Variants in LHFPL7 observed in about 807,000 individuals in gnomAD.
The protein encoded by LHFPL7 is LHFPL tetraspan subfamily member 7, also known as LHFPL tetraspan subfamily member 7 protein.
At chr22:24,945,055 G>T in the LHFPL7 span, among the ~76,000 whole-genome samples, 1 of 151,954 alleles carries the variant, frequency 6.6e-6, no homozygotes, top group East Asian at 1.9e-4. Flanking sequence ...TGATCTGCCC[G>T]CCTTGGCCTC....
chr22:24,935,215 T>G, the LHFPL7 span: 1 of 1,359,776 alleles, frequency 7.4e-7, no homozygotes, highest in East Asian at 2.3e-5. Context: ...TCCAGAGAGG[T>G]AAAGTGGCTT....
At chr22:24,939,924 C>CTTTT in the LHFPL7 span, among the ~76,000 whole-genome samples, 1,190 of 86,872 alleles carry the variant, frequency 0.014, 56 homozygotes, top group East Asian at 0.051. Context: ...TCATTTATCG[C>CTTTT]TTTTTTTTTT....
chr22:24,943,201 C>G, the LHFPL7 span, among the ~76,000 whole-genome samples: 21 of 152,216 alleles, frequency 1.4e-4, no homozygotes, highest in East Asian at 3.7e-3. Flanking sequence ...GAGCTGAATC[C>G]ACCTAGGCCT....
the LHFPL7 span, chr22:24,939,334 C>A: frequency 1.4e-6 from 1 of 702,918 alleles, no homozygotes; most frequent in Non-Finnish European, 2.6e-6. Flanking sequence ...CCAGCTCTCA[C>A]CTTCCAGGCA....
chr22:24,940,718 T>TCCC, the LHFPL7 span, among the ~76,000 whole-genome samples: 1 of 119,792 alleles, frequency 8.3e-6, no homozygotes, highest in Non-Finnish European at 1.7e-5. Context: ...CTTCCCTTTC[T>TCCC]TTCCTTCCTT....
the LHFPL7 span, among the ~76,000 whole-genome samples, chr22:24,939,946 G>C: frequency 3.8e-5 from 1 of 26,030 alleles, no homozygotes; most frequent in Non-Finnish European, 8.2e-5. Flanking sequence ...TTTTTTTTTT[G>C]AGACAGATTA....
the LHFPL7 span, among the ~76,000 whole-genome samples, chr22:24,937,903 G>A: frequency 1.3e-5 from 2 of 152,134 alleles, no homozygotes; most frequent in South Asian, 4.2e-4. Context: ...AGAAACAAAG[G>A]GGGACAGATT....
At chr22:24,935,585 C>T in the LHFPL7 span, 1 of 1,611,258 alleles carries the variant, frequency 6.2e-7, no homozygotes, top group Admixed American at 1.7e-5. Context: ...GACCCACAAT[C>T]ATGGCAGTAG....
At chr22:24,937,892 G>A in the LHFPL7 span, among the ~76,000 whole-genome samples, 2 of 152,110 alleles carry the variant, frequency 1.3e-5, no homozygotes, top group African/African-American at 4.8e-5. Flanking sequence ...ATGGATGAGC[G>A]AGAAACAAAG....
the LHFPL7 span, among the ~76,000 whole-genome samples, chr22:24,943,378 CA>C: frequency 6.6e-6 from 1 of 152,174 alleles, no homozygotes; most frequent in Admixed American, 6.5e-5. Context: ...CACATCCGGC[CA>C]GGCTGCAATT....
At chr22:24,937,830 C>A in the LHFPL7 span, among the ~76,000 whole-genome samples, 6 of 152,200 alleles carry the variant, frequency 3.9e-5, no homozygotes, top group African/African-American at 1.2e-4. Context: ...TTGCACAGTG[C>A]ACAACATCCC....
chr22:24,935,404 C>A, the LHFPL7 span: 1 of 1,613,900 alleles, frequency 6.2e-7, no homozygotes, highest in South Asian at 1.1e-5. Context: ...CTCCCTTGGA[C>A]CTTGGTTGTG....
At chr22:24,945,721 G>A in the LHFPL7 span, among the ~76,000 whole-genome samples, 1 of 152,220 alleles carries the variant, frequency 6.6e-6, no homozygotes, top group Non-Finnish European at 1.5e-5. Flanking sequence ...GTGACACTGG[G>A]GACAAGCACA....
the LHFPL7 span, chr22:24,939,697 G>C: frequency 8.0e-6 from 5 of 622,532 alleles, no homozygotes; most frequent in Non-Finnish European, 1.4e-5. Context: ...GATGCAAATG[G>C]GAGGTACTAA....
Sources: allele counts gnomAD v4.1 joint callset (sites outside exome capture counted in the v4.1 genomes callset), GRCh38; gene constraint gnomAD v4.1.1; transcripts MANE v1.5; gene names NCBI Gene and HGNC (gene_info 2026-07-23, HGNC 2026-07-21).